Variants in CTNNA3 observed in about 807,000 individuals in gnomAD.
The protein encoded by CTNNA3 is catenin alpha-3.
In CTNNA3, 76 loss-of-function variants were observed where a neutral mutation model predicts 95.7. That is an observed-to-expected ratio of 0.79 (90% confidence interval 0.66 to 0.96). The LOEUF (loss-of-function observed/expected upper bound fraction) is 0.96, where lower values mean the gene tolerates loss of function less well. CTNNA3 is among the 40% of genes least tolerant of loss of function. CTNNA3 has a pLI of 0.00. For synonymous variants in CTNNA3, 431 were observed against 374.4 expected (o/e 1.15, Z -1.74); for missense variants, 1,191 against 1,089.8 (o/e 1.09, Z -1.31).
chr10:67,211,691 A>G (rs149380404), intron 6 of CTNNA3, among the ~76,000 whole-genome samples: 1,620 of 152,294 alleles, frequency 0.011, 35 homozygotes, highest in African/African-American at 0.037. Flanking sequence ...AAACAAATAA[A>G]TGTATTAAAC....
At position 67,456,038 on chromosome 10, in the gene CTNNA3, T is replaced by C. The variant is rs1053445060; in HGVS notation, c.579+65804A>G. ...GTACTATCTGTAATTTTTCTGTAAA[T>C]CTAAAACTATTCTAAAATTAAAAGT... On this transcript the variant is annotated intron_variant, in intron 5 of 17. Transcript: ENST00000433211. Among the ~76,000 whole-genome samples the C allele has an allele frequency of 9.2e-5, 14 of 152,244 alleles. No homozygotes were observed. The East Asian group carries it at 1.5e-3, about 17-fold the overall frequency.
At chr10:66,438,303 C>T (rs1204287308) in intron 11 of CTNNA3, among the ~76,000 whole-genome samples, 2 of 152,198 alleles carry the variant, frequency 1.3e-5, no homozygotes, top group East Asian at 1.9e-4. Context: ...CTCACAGCTG[C>T]CCCTTCCCCC....
intron 17 of CTNNA3, among the ~76,000 whole-genome samples, chr10:65,930,621 T>G (rs191029578): frequency 5.9e-5 from 9 of 152,268 alleles, no homozygotes; most frequent in Admixed American, 2.0e-4. Context: ...TAGTAGTTAA[T>G]TTTTTTATTT....
intron 12 of CTNNA3, among the ~76,000 whole-genome samples, chr10:66,365,408 G>T (rs1453784269): frequency 6.6e-6 from 1 of 152,122 alleles, no homozygotes; most frequent in Non-Finnish European, 1.5e-5. Flanking sequence ...CTAGGGGAGG[G>T]ATAACATTGG....
chr10:66,794,797 A>G (rs559500842), intron 7 of CTNNA3, among the ~76,000 whole-genome samples: 51 of 152,238 alleles, frequency 3.4e-4, no homozygotes, highest in Non-Finnish European at 6.0e-4. Flanking sequence ...TGCTTTACCA[A>G]TCAGTGTTGT....
At chr10:67,635,499 G>A (rs995564763) in intron 2 of CTNNA3, among the ~76,000 whole-genome samples, 5 of 152,124 alleles carry the variant, frequency 3.3e-5, no homozygotes, top group Non-Finnish European at 7.4e-5. Context: ...TCCCTGGGAT[G>A]CAAGGTTGGT....
chr10:66,687,448 T>C (rs1048710257), intron 9 of CTNNA3, among the ~76,000 whole-genome samples: 1 of 152,144 alleles, frequency 6.6e-6, no homozygotes, highest in Non-Finnish European at 1.5e-5. Context: ...TTTTCCCCTA[T>C]TCTGTTAGAA....
intron 10 of CTNNA3, among the ~76,000 whole-genome samples, chr10:66,524,008 C>A (rs995571756): frequency 6.6e-6 from 1 of 152,086 alleles, no homozygotes. Context: ...TTTGTTCCAG[C>A]CACAGTTTTA....
At chr10:66,600,294 A>G (rs1007672334) in intron 10 of CTNNA3, among the ~76,000 whole-genome samples, 1 of 151,900 alleles carries the variant, frequency 6.6e-6, no homozygotes, top group Non-Finnish European at 1.5e-5. Context: ...TATTTTAAAG[A>G]AAATAAGAAC....
intron 10 of CTNNA3, among the ~76,000 whole-genome samples, chr10:66,594,111 T>C (rs980638460): frequency 1.3e-5 from 2 of 152,132 alleles, no homozygotes; most frequent in Non-Finnish European, 2.9e-5. Context: ...CTGCACCTCA[T>C]GACATCTCCT....
At chr10:66,216,019 T>C (rs982982823) in intron 13 of CTNNA3, among the ~76,000 whole-genome samples, 84 of 152,244 alleles carry the variant, frequency 5.5e-4, no homozygotes, top group Non-Finnish European at 1.5e-4. Context: ...GGCCTCATTG[T>C]ATGTGGAGGC....
chr10:66,094,556 G>A (rs2081323066), intron 14 of CTNNA3, among the ~76,000 whole-genome samples: 2 of 152,008 alleles, frequency 1.3e-5, no homozygotes, highest in African/African-American at 4.8e-5. Flanking sequence ...GGACCAAGAT[G>A]GCATGAATGT....
intron 7 of CTNNA3, among the ~76,000 whole-genome samples, chr10:67,032,164 A>G (rs1206636300): frequency 1.3e-5 from 2 of 152,156 alleles, no homozygotes; most frequent in South Asian, 2.1e-4. Flanking sequence ...GAAAAAATAT[A>G]CAACTTGCCC....
chr10:67,640,056 G>A (rs151251348), intron 2 of CTNNA3, among the ~76,000 whole-genome samples: 1 of 152,180 alleles, frequency 6.6e-6, no homozygotes, highest in Non-Finnish European at 1.5e-5. Flanking sequence ...AAAACAGGAA[G>A]TCAAACTGTC....
rs74438191 is a variant in CTNNA3, at chr10:66,081,529, T to C, written c.1978-12040A>G. On this transcript the variant is annotated intron_variant, in intron 14 of 17. Transcript: ENST00000433211. ...TACCAAAAAAACACAAAAAAAACTTTCTATATCAAAGGTTGGACAATTTGG... is the reference window on the plus strand; with the variant it reads ...TACCAAAAAAACACAAAAAAAACTTCCTATATCAAAGGTTGGACAATTTGG... Among the ~76,000 whole-genome samples the C allele has an allele frequency of 8.9e-3, 1,356 of 152,068 alleles. 20 individuals are homozygous for C. The highest frequency in any genetic ancestry group is 0.028 in the African/African-American group (1,144 of 41,510).
At chr10:67,355,624 C>CA (rs58652160) in intron 5 of CTNNA3, among the ~76,000 whole-genome samples, 12,172 of 135,570 alleles carry the variant, frequency 0.09, 805 homozygotes, top group East Asian at 0.29. Context: ...AGAAGTCAAG[C>CA]AAAAAAAAAA....
chr10:67,650,420 T>G (rs1458624986), intron 1 of CTNNA3, among the ~76,000 whole-genome samples: 1 of 152,154 alleles, frequency 6.6e-6, no homozygotes, highest in Non-Finnish European at 1.5e-5. Flanking sequence ...AATTCCAGTT[T>G]TCAGAATTAA....
intron 13 of CTNNA3, among the ~76,000 whole-genome samples, chr10:66,109,142 C>T (rs2082020597): frequency 6.6e-6 from 1 of 152,104 alleles, no homozygotes; most frequent in Non-Finnish European, 1.5e-5. Context: ...CAAATCTTAC[C>T]ATAGCCCCGT....
chr10:67,259,503 T>C (rs1372450116), intron 5 of CTNNA3, among the ~76,000 whole-genome samples: 1 of 152,152 alleles, frequency 6.6e-6, no homozygotes, highest in Non-Finnish European at 1.5e-5. Flanking sequence ...CCTGAGCTAA[T>C]CATTTACGCA....
Sources: gnomAD v4.1 joint callset for allele counts (sites outside exome capture counted in the v4.1 genomes callset) on GRCh38, gnomAD v4.1.1 for gene constraint, MANE v1.5 for transcripts, NCBI Gene and HGNC (gene_info 2026-07-23, HGNC 2026-07-21) for gene names.